The following WDFY2 variants were observed in gnomAD, a reference collection of about 807,000 sequenced individuals.
WDFY2 encodes WD repeat and FYVE domain containing 2.
In WDFY2, 36 loss-of-function variants were observed where a neutral mutation model predicts 56.4. The observed-to-expected ratio is 0.64, with a 90% CI of 0.49 to 0.84. The LOEUF is 0.84. Among genes scored for constraint, WDFY2 ranks in the 40% least tolerant of loss-of-function variants. The probability of loss-of-function intolerance (pLI) is 0.00; values close to 1 mark genes in which losing one functional copy is unlikely to be tolerated. For missense variants in WDFY2, 444 were observed against 512.2 expected (o/e 0.87, Z 1.29); for synonymous variants, 176 against 183.7 (o/e 0.96, Z 0.34).
chr13:51,607,763 A>C (rs1233192124), intron 1 of WDFY2, among the ~76,000 whole-genome samples: 1 of 152,152 alleles, frequency 6.6e-6, no homozygotes, highest in Non-Finnish European at 1.5e-5. Flanking sequence ...TACTGTTGTG[A>C]TAGGCTGAAT....
intron 3 of WDFY2, among the ~76,000 whole-genome samples, chr13:51,690,075 A>G (rs1956125045): frequency 6.6e-6 from 1 of 152,048 alleles, no homozygotes; most frequent in Non-Finnish European, 1.5e-5. Flanking sequence ...TGTTTTGGAA[A>G]AAATACTTAT....
chr13:51,739,129 G>A lies in WDFY2; in HGVS notation c.679G>A (p.Asp227Asn), dbSNP rs1265049779. Residue 227 changes from aspartate (D) to asparagine (N), a missense_variant, in exon 7 of 12, where the codon GAC (aspartate) becomes AAC (asparagine). Asp to Asn is a conservative substitution (Grantham distance 23). Coordinates refer to ENST00000298125, the MANE Select transcript of WDFY2 (RefSeq NM_052950.4). ...TTCAGATCACTCTGTCATCATGTGG[G>A]ACATCGGTGGGAGAAAAGGAACAGC... ...GSSDHSVIMW[D>N]IGGRKGTAIE... 2 of 1,599,342 alleles carry A rather than the reference G, an allele frequency of 1.3e-6. No homozygotes were observed. Among genetic ancestry groups the A allele is most frequent in the African/African-American group, 2.7e-5 (2 of 74,434 alleles).
chr13:51,759,737 C>T lies in WDFY2; in HGVS notation c.1174-3C>T, dbSNP rs779164484. 4 of 1,613,188 alleles carry T rather than the reference C, an allele frequency of 2.5e-6. No homozygotes were observed. The African/African-American group carries it at 4.0e-5, about 16-fold the overall frequency. Reference sequence around the variant, plus strand: ...ATTCTGTATCTTCTTTTTCTTTTTGCAGTTGTGGGATATGACCCCAGTCGT... The same window carrying T: ...ATTCTGTATCTTCTTTTTCTTTTTGTAGTTGTGGGATATGACCCCAGTCGT... On this transcript the variant is annotated splice_region_variant and splice_polypyrimidine_tract_variant and intron_variant, in intron 11 of 11. Transcript: ENST00000298125.
intron 1 of WDFY2, among the ~76,000 whole-genome samples, chr13:51,599,016 C>G (rs1413641848): frequency 6.7e-6 from 1 of 148,802 alleles, no homozygotes; most frequent in Non-Finnish European, 1.5e-5. Context: ...TCAAGCGATT[C>G]TCCTGCCTCA....
chr13:51,654,055 G>T (rs182978293), intron 1 of WDFY2, among the ~76,000 whole-genome samples: 1 of 152,222 alleles, frequency 6.6e-6, no homozygotes, highest in South Asian at 2.1e-4. Flanking sequence ...GCTTCACCCA[G>T]TTTGAGCTTC....
At chr13:51,625,389 C>T (rs1363001564) in intron 1 of WDFY2, among the ~76,000 whole-genome samples, 1 of 152,168 alleles carries the variant, frequency 6.6e-6, no homozygotes. Flanking sequence ...CTGTAACGCT[C>T]CTGTTCATCA....
intron 6 of WDFY2, among the ~76,000 whole-genome samples, chr13:51,734,330 C>T (rs906843670): frequency 6.6e-6 from 1 of 152,166 alleles, no homozygotes; most frequent in Non-Finnish European, 1.5e-5. Flanking sequence ...TCTCTTCTAA[C>T]TAATTGGAAA....
In WDFY2 at chr13:51,584,562, G is replaced by A; in HGVS notation, c.-126G>A. The stretch of plus-strand genomic sequence containing the variant: ...AGAGGCGGCCAGGCTATGCTCGCCG[G>A]TTTCCGGCGTTCCGCTCCGGCCAGC... On this transcript the variant is annotated 5_prime_UTR_variant, in exon 1 of 12. Coordinates refer to ENST00000298125, the MANE Select transcript of WDFY2 (RefSeq NM_052950.4). 1 of 1,335,624 alleles carries A rather than the reference G, an allele frequency of 7.5e-7. No homozygotes were observed. The highest frequency in any genetic ancestry group is 9.9e-7 in the Non-Finnish European group (1 of 1,011,248). 82.7% of individuals were successfully genotyped at this position (1,335,624 alleles called of 1,614,324 possible).
At chr13:51,627,952 A>T (rs1448458223) in intron 1 of WDFY2, among the ~76,000 whole-genome samples, 1 of 151,964 alleles carries the variant, frequency 6.6e-6, no homozygotes, top group Non-Finnish European at 1.5e-5. Flanking sequence ...TTCAGAGGGG[A>T]GGAAGTGCAT....
At chr13:51,684,625 T>C (rs906901062) in intron 3 of WDFY2, among the ~76,000 whole-genome samples, 4 of 152,050 alleles carry the variant, frequency 2.6e-5, no homozygotes, top group Non-Finnish European at 5.9e-5. Context: ...TAATTCTCTT[T>C]CCCTCCAAAT....
At position 51,597,568 on chromosome 13, in the gene WDFY2, T is replaced by C. The variant is rs185477488; in HGVS notation, c.137+12744T>C. ...AAAGTTTATCTGTCTGTTGCTTTTG[T>C]TGCCTAGTAGTTCATGCTTATGTAT... On this transcript the variant is annotated intron_variant, in intron 1 of 11. Coordinates refer to ENST00000298125, the MANE Select transcript of WDFY2 (RefSeq NM_052950.4). Among the ~76,000 whole-genome samples, 25 of 152,358 alleles carry C rather than the reference T, an allele frequency of 1.6e-4. No homozygotes were observed. The East Asian group carries it at 4.4e-3, about 27-fold the overall frequency.
At chr13:51,636,107 A>G (rs944807916) in intron 1 of WDFY2, among the ~76,000 whole-genome samples, 10 of 152,186 alleles carry the variant, frequency 6.6e-5, no homozygotes, top group Non-Finnish European at 5.9e-5. Context: ...AGGAACCCCA[A>G]CAATCGTCCA....
At chr13:51,665,462 G>C (rs144505673) in intron 2 of WDFY2, among the ~76,000 whole-genome samples, 31 of 152,300 alleles carry the variant, frequency 2.0e-4, no homozygotes, top group African/African-American at 6.7e-4. Flanking sequence ...TCACACTATA[G>C]AGAAAAATCA....
At chr13:51,706,091 C>T (rs1952076485) in intron 4 of WDFY2, among the ~76,000 whole-genome samples, 3 of 152,114 alleles carry the variant, frequency 2.0e-5, no homozygotes, top group Admixed American at 6.5e-5. Context: ...CTTTGAGTCT[C>T]TTAATATTTC....
At chr13:51,737,969 ATC>A (rs1403954021) in intron 6 of WDFY2, among the ~76,000 whole-genome samples, 1 of 152,186 alleles carries the variant, frequency 6.6e-6, no homozygotes, top group Non-Finnish European at 1.5e-5. Context: ...CTACTTTTTG[ATC>A]TTAAAAAATG....
intron 8 of WDFY2, among the ~76,000 whole-genome samples, chr13:51,753,830 A>G (rs1444182517): frequency 6.6e-6 from 1 of 152,066 alleles, no homozygotes; most frequent in Non-Finnish European, 1.5e-5. Flanking sequence ...TCACGCCTGT[A>G]ATGCCAGCTG....
chr13:51,628,118 C>G (rs1229334127), intron 1 of WDFY2, among the ~76,000 whole-genome samples: 1 of 152,206 alleles, frequency 6.6e-6, no homozygotes, highest in Non-Finnish European at 1.5e-5. Context: ...TGCCCAGGAA[C>G]CTGTCTGCGT....
At chr13:51,653,642 C>T (rs979263906) in intron 1 of WDFY2, among the ~76,000 whole-genome samples, 4 of 152,168 alleles carry the variant, frequency 2.6e-5, no homozygotes, top group Non-Finnish European at 5.9e-5. Context: ...CCCTCAGCTG[C>T]GGGTCTGTTG....
chr13:51,619,181 G>A (rs955895126), intron 1 of WDFY2, among the ~76,000 whole-genome samples: 5 of 152,172 alleles, frequency 3.3e-5, no homozygotes, highest in Non-Finnish European at 7.3e-5. Context: ...GGCTGCATGT[G>A]GTGGCTCACG....
Sources: allele counts gnomAD v4.1 joint callset (sites outside exome capture counted in the v4.1 genomes callset), GRCh38; gene constraint gnomAD v4.1.1; transcripts MANE v1.5; gene names NCBI Gene and HGNC (gene_info 2026-07-23, HGNC 2026-07-21).